CDH12: variants seen among roughly 807,000 people sequenced by gnomAD.
CDH12 encodes cadherin 12.
Under a neutral mutation model 74.1 loss-of-function variants are expected in CDH12, and 41 were observed. The observed-to-expected ratio is 0.55, with a 90% confidence interval of 0.43 to 0.72. The LOEUF (loss-of-function observed/expected upper bound fraction) is 0.72, where lower values mean the gene tolerates loss of function less well. CDH12 is among the 30% of genes least tolerant of loss of function. The pLI is 0.00. For synonymous variants in CDH12, 399 were observed against 355.0 expected (o/e 1.12, Z -1.39); for missense variants, 945 against 977.2 (o/e 0.97, Z 0.44).
At chr5:22,033,189 A>C (rs1738944610) in intron 5 of CDH12, among the ~76,000 whole-genome samples, 2 of 152,204 alleles carry the variant, frequency 1.3e-5, no homozygotes, top group South Asian at 4.1e-4. Flanking sequence ...ACATTCTGTG[A>C]GTAGAAAATG....
intron 3 of CDH12, among the ~76,000 whole-genome samples, chr5:22,321,392 G>A (rs1233754501): frequency 7.0e-6 from 1 of 143,112 alleles, no homozygotes; most frequent in East Asian, 2.1e-4. Context: ...ACTATCGCAA[G>A]AACAAAAAAC....
chr5:22,774,085 T>G (rs1301188271), intron 1 of CDH12, among the ~76,000 whole-genome samples: 1 of 151,942 alleles, frequency 6.6e-6, no homozygotes, highest in Non-Finnish European at 1.5e-5. Flanking sequence ...TCTCAAGGAG[T>G]TTGAAAAGGA....
At chr5:22,557,169 A>G (rs746918223) in intron 1 of CDH12, among the ~76,000 whole-genome samples, 1 of 152,132 alleles carries the variant, frequency 6.6e-6, no homozygotes, top group African/African-American at 2.4e-5. Flanking sequence ...TAAATGTAAC[A>G]TATATTCATA....
At chr5:22,150,613 T>C (rs956621132) in intron 4 of CDH12, among the ~76,000 whole-genome samples, 4 of 151,996 alleles carry the variant, frequency 2.6e-5, no homozygotes, top group African/African-American at 7.3e-5. Context: ...AACTGTAGCT[T>C]TACAAATACT....
chr5:21,973,032 C>T (rs1756918067), intron 6 of CDH12, among the ~76,000 whole-genome samples: 2 of 144,166 alleles, frequency 1.4e-5, no homozygotes, highest in South Asian at 2.2e-4. Context: ...AGCTAGATCC[C>T]TTCTCTACAA....
At chr5:22,142,099 T>C (rs1177998690) in intron 4 of CDH12, among the ~76,000 whole-genome samples, 4 of 152,148 alleles carry the variant, frequency 2.6e-5, no homozygotes, top group Non-Finnish European at 5.9e-5. Context: ...TGAATCTGGG[T>C]TAAGGCACAA....
chr5:22,191,552 G>GTTTTTTTT (rs1750276816), intron 4 of CDH12, among the ~76,000 whole-genome samples: 1 of 109,708 alleles, frequency 9.1e-6, no homozygotes, highest in East Asian at 3.4e-4. Context: ...TACACCAATG[G>GTTTTTTTT]TCTTTTTATT....
At chr5:21,892,411 G>C (rs1752938915) in intron 6 of CDH12, among the ~76,000 whole-genome samples, 1 of 152,086 alleles carries the variant, frequency 6.6e-6, no homozygotes, top group South Asian at 2.1e-4. Flanking sequence ...GGTGGGTTTA[G>C]GGTGGTGGCG....
chr5:21,767,688 T>G (rs1389783967), intron 11 of CDH12, among the ~76,000 whole-genome samples: 3 of 151,818 alleles, frequency 2.0e-5, no homozygotes, highest in African/African-American at 4.8e-5. Flanking sequence ...AAAAGATGTT[T>G]ACATTGTTGA....
intron 1 of CDH12, among the ~76,000 whole-genome samples, chr5:22,533,402 A>C (rs531563633): frequency 8.5e-4 from 130 of 152,290 alleles, no homozygotes; most frequent in Admixed American, 1.5e-3. Flanking sequence ...AAGTATAAAA[A>C]AATTCTCTGT....
At chr5:22,844,698 A>G (rs914862469) in intron 1 of CDH12, among the ~76,000 whole-genome samples, 1 of 152,204 alleles carries the variant, frequency 6.6e-6, no homozygotes, top group African/African-American at 2.4e-5. Flanking sequence ...ACAAGAGGAA[A>G]TAAGTTTCCA....
At chr5:22,844,020 G>A (rs542809011) in intron 1 of CDH12, among the ~76,000 whole-genome samples, 53 of 152,064 alleles carry the variant, frequency 3.5e-4, no homozygotes, top group Non-Finnish European at 2.7e-4. Context: ...ATAATTATAA[G>A]GATGCTTATT....
chr5:21,793,272 C>G (rs1746603198), intron 10 of CDH12, among the ~76,000 whole-genome samples: 1 of 151,648 alleles, frequency 6.6e-6, no homozygotes, highest in Non-Finnish European at 1.5e-5. Context: ...CAGTTTCTCT[C>G]AAATGAGAAT....
intron 1 of CDH12, among the ~76,000 whole-genome samples, chr5:22,694,198 A>G (rs539632191): frequency 2.6e-5 from 4 of 152,302 alleles, no homozygotes; most frequent in Non-Finnish European, 4.4e-5. Flanking sequence ...AGATATTTTA[A>G]TCTTAGGATC....
At chr5:22,069,012 C>G (rs1741754212) in intron 5 of CDH12, among the ~76,000 whole-genome samples, 1 of 152,180 alleles carries the variant, frequency 6.6e-6, no homozygotes, top group Non-Finnish European at 1.5e-5. Flanking sequence ...TACACTTGAT[C>G]ACTTTCATCA....
At chr5:22,502,652 G>A (rs113606241) in intron 2 of CDH12, among the ~76,000 whole-genome samples, 7 of 137,918 alleles carry the variant, frequency 5.1e-5, no homozygotes, top group Admixed American at 8.3e-5. Context: ...ACACACACAC[G>A]CACACACAGA....
intron 5 of CDH12, among the ~76,000 whole-genome samples, chr5:22,032,447 C>G (rs1738883006): frequency 6.6e-6 from 1 of 151,964 alleles, no homozygotes; most frequent in Non-Finnish European, 1.5e-5. Flanking sequence ...CACGGTGGCT[C>G]ACTCCTATAA....
intron 1 of CDH12, among the ~76,000 whole-genome samples, chr5:22,787,219 TCTC>T (rs1267284906): frequency 6.6e-6 from 1 of 152,104 alleles, no homozygotes; most frequent in African/African-American, 2.4e-5. Context: ...TATTCTGTTC[TCTC>T]CTCTTTTATT....
chr5:22,568,032 C>A (rs942574783), intron 1 of CDH12, among the ~76,000 whole-genome samples: 1 of 152,132 alleles, frequency 6.6e-6, no homozygotes, highest in South Asian at 2.1e-4. Context: ...TATTTGATTT[C>A]TATGTAATTT....
Sources: gnomAD v4.1 joint callset for allele counts (sites outside exome capture counted in the v4.1 genomes callset) on GRCh38, gnomAD v4.1.1 for gene constraint, MANE v1.5 for transcripts, NCBI Gene and HGNC (gene_info 2026-07-23, HGNC 2026-07-21) for gene names.